The following DSC3 variants were observed in gnomAD, a reference collection of about 807,000 sequenced individuals.
The protein encoded by DSC3 is desmocollin 3, also known as desmocollin-3.
In DSC3, 97 loss-of-function variants were observed where a neutral mutation model predicts 89.5. That is an observed-to-expected ratio of 1.08 (90% confidence interval 0.92 to 1.28). The LOEUF (loss-of-function observed/expected upper bound fraction) is 1.28. DSC3 is among the 50% of genes most tolerant of loss of function. DSC3 has a pLI of 0.00. For missense variants in DSC3, 1,199 were observed against 1,085.3 expected, an observed-to-expected ratio of 1.10 and a Z score of -1.47; for synonymous variants, 436 against 384.1, an observed-to-expected ratio of 1.14 and a Z score of -1.58.
Position 30,996,816 on chromosome 18 carries a change from C to T in DSC3, c.2468G>A (p.Ser823Asn). ...NCRYTYSEWHSFTQPRLGEKL... is the reference protein window; with the variant it reads ...NCRYTYSEWHNFTQPRLGEKL... ...TTCACCGAGACGGGGTTGAGTAAAA[C>T]TGTGCCACTCCGAGTAAGTGTATCT... Residue 823 changes from serine (S) to asparagine (N), a missense_variant, in exon 15 of 16, where the codon AGT (serine) becomes AAT (asparagine). Coordinates refer to ENST00000360428, the MANE Select transcript of DSC3 (RefSeq NM_001941.5). The T allele has an allele frequency of 1.2e-6, 2 of 1,613,868 alleles. No individual in the cohort carries two copies. The highest frequency in any genetic ancestry group is 2.2e-5 in the South Asian group (2 of 91,042).
At position 31,011,614 on chromosome 18, in the gene DSC3, C is replaced by T. The variant is rs1292272161; in HGVS notation, c.1264-3089G>A. On this transcript the variant is annotated intron_variant, in intron 9 of 15. Transcript: ENST00000360428. ...AGGTTAGTCATCATTAGGTACATAGCCTACATGACAGAAACATGGATTTTG... is the reference window on the plus strand; with the variant it reads ...AGGTTAGTCATCATTAGGTACATAGTCTACATGACAGAAACATGGATTTTG... Among the ~76,000 whole-genome samples the T allele has an allele frequency of 3.3e-5, 5 of 152,088 alleles. No homozygotes were observed. The East Asian group carries it at 9.6e-4, about 29-fold the overall frequency.
At chr18:30,995,996 A>AAGAAAG (rs35163821) in intron 15 of DSC3, among the ~76,000 whole-genome samples, 5,381 of 136,360 alleles carry the variant, frequency 0.039, 458 homozygotes, top group African/African-American at 0.12. Context: ...AAAAAAAAAA[A>AAGAAAG]AAAGAAAAGA....
At position 30,993,574 on chromosome 18, in the gene DSC3, A is replaced by C. The variant is rs1375385010; in HGVS notation, c.*601T>G. 6.6e-6 allele frequency: 1 copy of C among 152,296 alleles called. No homozygotes were observed. The highest frequency in any genetic ancestry group is 1.9e-4 in the East Asian group (1 of 5,196). The allele number at this position is 152,296 out of a possible 1,614,324, so 9.4% of individuals were successfully genotyped here. On this transcript the variant is annotated 3_prime_UTR_variant, in exon 16 of 16. Transcript: ENST00000360428. The stretch of plus-strand genomic sequence containing the variant: ...GTTCTCATTTCATTTTAAATATTGC[A>C]TTGATTAATAATAATATACACACAC...
At chr18:31,007,190 G>C (rs926777781) in intron 11 of DSC3, 59 bp from the exon 12 acceptor site, 22 of 1,278,920 alleles carry the variant, frequency 1.7e-5, no homozygotes, top group Non-Finnish European at 2.4e-5. Context: ...GTTTCTTAAA[G>C]AATAAAAAGT....
chr18:30,997,105 T>C (rs1479320512), intron 14 of DSC3, 57 bp from the exon 15 acceptor site: 22 of 1,595,406 alleles, frequency 1.4e-5, no homozygotes, highest in Non-Finnish European at 1.8e-5. Flanking sequence ...TAAGTTGTCA[T>C]GAGAAGGCAA....
chr18:31,000,580 G>A (rs936657784), intron 14 of DSC3, among the ~76,000 whole-genome samples: 4 of 152,164 alleles, frequency 2.6e-5, no homozygotes, highest in African/African-American at 7.2e-5. Context: ...CTCTAACACC[G>A]AACTTGTTTC....
At chr18:31,031,625 T>C (rs998980319) in intron 2 of DSC3, among the ~76,000 whole-genome samples, 53 of 152,184 alleles carry the variant, frequency 3.5e-4, no homozygotes, top group African/African-American at 1.2e-3. Context: ...TAAAGAGTCA[T>C]GTTAGAAAAA....
chr18:31,017,379 T>G (rs1985270706), intron 9 of DSC3, among the ~76,000 whole-genome samples: 1 of 152,190 alleles, frequency 6.6e-6, no homozygotes, highest in African/African-American at 2.4e-5. Flanking sequence ...AATTTTTGTT[T>G]TGTTCTGGGC....
intron 15 of DSC3, among the ~76,000 whole-genome samples, chr18:30,994,958 C>G (rs1984406450): frequency 6.6e-6 from 1 of 152,168 alleles, no homozygotes; most frequent in East Asian, 1.9e-4. Context: ...GTAGGATTTA[C>G]CACATTAACT....
intron 2 of DSC3, among the ~76,000 whole-genome samples, chr18:31,031,813 C>T (rs1024861374): frequency 6.6e-6 from 1 of 152,130 alleles, no homozygotes; most frequent in African/African-American, 2.4e-5. Flanking sequence ...ATATAAATAT[C>T]AAAATGTACC....
chr18:31,012,695 G>C (rs533748517), intron 9 of DSC3, among the ~76,000 whole-genome samples: 10 of 152,258 alleles, frequency 6.6e-5, no homozygotes, highest in Admixed American at 5.2e-4. Flanking sequence ...GTGGGACACT[G>C]TTTCAGAGAT....
At chr18:31,030,859 C>A in intron 3 of DSC3, 114 bp downstream of exon 3, 2 of 994,530 alleles carry the variant, frequency 2.0e-6, no homozygotes, top group South Asian at 1.4e-5. Flanking sequence ...GGAAAGGAAA[C>A]AAAATGAAAA....
chr18:31,005,921 C>T (rs79779746), intron 12 of DSC3, among the ~76,000 whole-genome samples: 3,069 of 152,102 alleles, frequency 0.02, 115 homozygotes, highest in African/African-American at 0.07. Flanking sequence ...TGGACGAGTG[C>T]TTAATAGATA....
In DSC3 at chr18:31,018,202, T is replaced by C. The variant is rs893442231; in HGVS notation, c.1132A>G (p.Ile378Val). 5.6e-6 allele frequency: 9 copies of C among 1,612,100 alleles called. No individual in the cohort carries two copies. The highest frequency in any genetic ancestry group is 2.7e-5 in the African/African-American group (2 of 74,866). ...AFNVEILRIP[I>V]EDKDLINTAN... ...GTGTTAATTAAATCCTTATCTTCTA[T>C]AGGTATTCGTAAGATTTCCACATTG... is the stretch of plus-strand genomic sequence containing the variant. Residue 378 changes from isoleucine (I) to valine (V), a missense_variant, in exon 9 of 16, where the codon ATA becomes GTA. Transcript: ENST00000360428.
intron 3 of DSC3, 78 bp downstream of exon 3, chr18:31,030,895 C>T: frequency 1.5e-6 from 2 of 1,315,750 alleles, no homozygotes; most frequent in Non-Finnish European, 2.2e-6. Flanking sequence ...CCCTATTTAT[C>T]CTTGTTTCTC....
At chr18:31,040,763 A>C (rs1312365905) in intron 1 of DSC3, among the ~76,000 whole-genome samples, 1 of 152,228 alleles carries the variant, frequency 6.6e-6, no homozygotes. Context: ...CTATAAAATG[A>C]AAAATGTTTC....
chr18:31,021,005 C>T (rs570200579), intron 7 of DSC3, among the ~76,000 whole-genome samples: 3 of 151,770 alleles, frequency 2.0e-5, no homozygotes, highest in East Asian at 1.9e-4. Context: ...ATGCTCTTCC[C>T]GTATGCTTTA....
intron 6 of DSC3, among the ~76,000 whole-genome samples, chr18:31,023,023 A>G (rs959852833): frequency 2.0e-5 from 3 of 152,172 alleles, no homozygotes; most frequent in South Asian, 2.1e-4. Flanking sequence ...CCGGTTTAGT[A>G]TCACAGCCTT....
chr18:31,021,503 T>C (rs1167249358), intron 7 of DSC3, among the ~76,000 whole-genome samples: 2 of 152,242 alleles, frequency 1.3e-5, no homozygotes, highest in Admixed American at 6.5e-5. Context: ...CCCTGTTTCT[T>C]TGGCATCAAA....
Sources: gnomAD v4.1 joint callset for allele counts (sites outside exome capture counted in the v4.1 genomes callset) on GRCh38, gnomAD v4.1.1 for gene constraint, MANE v1.5 for transcripts, NCBI Gene and HGNC (gene_info 2026-07-23, HGNC 2026-07-21) for gene names.